BICD1: variants seen among roughly 807,000 people sequenced by gnomAD.
BICD1 encodes BICD cargo adaptor 1.
A neutral mutation model predicts 92.5 loss-of-function variants in BICD1; 35 were observed. That is an observed-to-expected ratio of 0.38 (90% CI 0.29 to 0.50). BICD1 has a LOEUF of 0.50. Among genes scored for constraint, BICD1 ranks in the 20% least tolerant of loss-of-function variants. BICD1 has a pLI of 0.93. For missense variants in BICD1, 950 were observed against 1,189.8 expected, an observed-to-expected ratio of 0.80 and a Z score of 2.97; for synonymous variants, 429 against 465.1, an observed-to-expected ratio of 0.92 and a Z score of 1.00.
chr12:32,269,895 C>T (rs1006149099), intron 2 of BICD1, among the ~76,000 whole-genome samples: 1 of 151,766 alleles, frequency 6.6e-6, no homozygotes, highest in Non-Finnish European at 1.5e-5. Context: ...TTTGGAAGGC[C>T]GAGGTAGACA....
intron 8 of BICD1, among the ~76,000 whole-genome samples, chr12:32,356,356 T>G (rs183738330): frequency 6.6e-6 from 1 of 151,950 alleles, no homozygotes; most frequent in Non-Finnish European, 1.5e-5. Flanking sequence ...GGAGAGAGAA[T>G]AGAGAATAAA....
intron 4 of BICD1, among the ~76,000 whole-genome samples, chr12:32,315,524 G>C (rs1401793357): frequency 2.3e-5 from 2 of 87,688 alleles, no homozygotes; most frequent in Non-Finnish European, 4.8e-5. Context: ...AATTCTGTTG[G>C]AGTTTGCATT....
intron 2 of BICD1, among the ~76,000 whole-genome samples, chr12:32,233,802 T>C (rs942998988): frequency 4.6e-5 from 7 of 152,180 alleles, no homozygotes; most frequent in African/African-American, 1.7e-4. Context: ...TGGACAATTT[T>C]AATCTTTTTT....
At chr12:32,161,984 G>A (rs777934563) in intron 1 of BICD1, among the ~76,000 whole-genome samples, 1 of 152,152 alleles carries the variant, frequency 6.6e-6, no homozygotes, top group Non-Finnish European at 1.5e-5. Context: ...ACTTTCGCAG[G>A]TTCCAGAACC....
rs577334808 is a variant in BICD1, at chr12:32,382,311, A to C, written c.*4684A>C. The C allele has an allele frequency of 9.6e-6, 1 of 104,076 alleles. No individual in the cohort carries two copies. The highest frequency in any genetic ancestry group is 2.4e-5 in the Non-Finnish European group (1 of 40,930). The allele number at this position is 104,076 out of a possible 1,614,324, so 6.4% of individuals were successfully genotyped here. ...GAGAATTTTCCAGAATATTCTACTTAAGAAGAAGAAGAGCAATTAACTGCC... is the reference window on the plus strand; with the variant it reads ...GAGAATTTTCCAGAATATTCTACTTCAGAAGAAGAAGAGCAATTAACTGCC... On this transcript the variant is annotated 3_prime_UTR_variant, in exon 10 of 10. Coordinates refer to ENST00000652176, the MANE Select transcript of BICD1 (RefSeq NM_001714.4).
intron 1 of BICD1, among the ~76,000 whole-genome samples, chr12:32,133,513 C>T (rs189303925): frequency 6.6e-6 from 1 of 152,038 alleles, no homozygotes; most frequent in East Asian, 1.9e-4. Context: ...ATGAGTCTGC[C>T]AAAATGTTTC....
At chr12:32,257,857 A>G (rs1477097812) in intron 2 of BICD1, among the ~76,000 whole-genome samples, 3 of 152,222 alleles carry the variant, frequency 2.0e-5, no homozygotes, top group Admixed American at 6.5e-5. Context: ...CTCAATATAT[A>G]TAATATATAG....
Position 32,146,954 on chromosome 12 carries a change from T to A in BICD1, c.213+39410T>A, listed in dbSNP as rs181130401. ...TCCTCCTCCTTCTTCTTCCTTTTTC[T>A]TTTTTGAGACAGTCTTGCTCTGTCA... On this transcript the variant is annotated intron_variant, in intron 1 of 9. Transcript: ENST00000652176. Among the ~76,000 whole-genome samples, 486 of 151,706 alleles carry A rather than the reference T, an allele frequency of 3.2e-3. 1 individual carries two copies. Among genetic ancestry groups the A allele is most frequent in the Middle Eastern group, 0.02 (6 of 294 alleles).
intron 1 of BICD1, among the ~76,000 whole-genome samples, chr12:32,178,818 C>A (rs1329806296): frequency 2.6e-5 from 4 of 151,870 alleles, no homozygotes; most frequent in African/African-American, 4.8e-5. Flanking sequence ...TGGCAGTTGT[C>A]CTGCATGCTG....
chr12:32,255,180 GACA>G (rs1161452370), intron 2 of BICD1, among the ~76,000 whole-genome samples: 3 of 152,206 alleles, frequency 2.0e-5, no homozygotes, highest in East Asian at 1.9e-4. Context: ...GAGAGAAAGA[GACA>G]ACAAGACAGA....
chr12:32,340,080 G>T (rs1328571596), intron 8 of BICD1: 2 of 984,012 alleles, frequency 2.0e-6, no homozygotes, highest in Non-Finnish European at 2.4e-6. Context: ...GTTTGCCACC[G>T]TTGAAATAGA....
At chr12:32,146,266 C>G (rs1943100057) in intron 1 of BICD1, among the ~76,000 whole-genome samples, 1 of 152,182 alleles carries the variant, frequency 6.6e-6, no homozygotes, top group East Asian at 1.9e-4. Flanking sequence ...CCAATAGTGC[C>G]TCACATTCAC....
chr12:32,192,227 C>T (rs767604288), intron 1 of BICD1, among the ~76,000 whole-genome samples: 56 of 152,006 alleles, frequency 3.7e-4, no homozygotes, highest in Middle Eastern at 6.8e-3. Flanking sequence ...GTCAAGAGAT[C>T]GAGACCATCC....
intron 2 of BICD1, among the ~76,000 whole-genome samples, chr12:32,224,396 C>T (rs1177792594): frequency 3.3e-5 from 5 of 152,224 alleles, no homozygotes; most frequent in East Asian, 1.9e-4. Flanking sequence ...CACTTTACTA[C>T]GTTCATTATT....
intron 9 of BICD1, chr12:32,368,068 G>T (rs1431479363): frequency 1.7e-5 from 4 of 241,788 alleles, no homozygotes; most frequent in Non-Finnish European, 2.4e-5. Flanking sequence ...TATGATGTTT[G>T]TCCTACTTTT....
rs200613343 is a variant in BICD1, at chr12:32,112,040, CTT to C, written c.213+4497_213+4498del. Among the ~76,000 whole-genome samples the C allele has an allele frequency of 8.6e-3, 901 of 104,288 alleles. 17 individuals carry two copies. Among genetic ancestry groups the C allele is most frequent in the African/African-American group, 0.032 (857 of 26,500 alleles). The allele number at this position is 104,288 out of a possible 152,430, so 68.4% of individuals were successfully genotyped here. A position where few individuals can be genotyped will look rare whatever the true frequency, so the allele number is the denominator to read the frequency against. On this transcript the variant is annotated intron_variant, in intron 1 of 9. Transcript: ENST00000652176. ...TTTTTTTTTGAGATGGAGTTTCACT[CTT>C]GTTGCCCAGGCTGGAGTGCAATGGT...
chr12:32,330,386 G>GT (rs537298296), intron 5 of BICD1, among the ~76,000 whole-genome samples: 335 of 146,230 alleles, frequency 2.3e-3, no homozygotes, highest in African/African-American at 8.2e-3. Flanking sequence ...AGAACACATG[G>GT]ACACAGGAAG....
chr12:32,149,360 T>C (rs1373289050), intron 1 of BICD1, among the ~76,000 whole-genome samples: 1 of 152,242 alleles, frequency 6.6e-6, no homozygotes, highest in Non-Finnish European at 1.5e-5. Flanking sequence ...TTCATAGACT[T>C]CATAAGTTAT....
At chr12:32,260,217 G>A (rs528997700) in intron 2 of BICD1, among the ~76,000 whole-genome samples, 4 of 152,230 alleles carry the variant, frequency 2.6e-5, no homozygotes, top group East Asian at 1.9e-4. Flanking sequence ...GAGCCACCAC[G>A]CCCAGCCTCA....
Sources: allele counts gnomAD v4.1 joint callset (sites outside exome capture counted in the v4.1 genomes callset), GRCh38; gene constraint gnomAD v4.1.1; transcripts MANE v1.5; gene names NCBI Gene and HGNC (gene_info 2026-07-23, HGNC 2026-07-21).